Variants in WASF3 observed in about 807,000 individuals in gnomAD.
WASF3 encodes the protein actin-binding protein WASF3.
In WASF3, 11 loss-of-function variants were observed where a neutral mutation model predicts 46.6. The observed-to-expected ratio is 0.24, with a 90% CI of 0.15 to 0.39. The LOEUF (loss-of-function observed/expected upper bound fraction) is 0.39. Ranked by LOEUF, WASF3 falls within the 10% of genes least tolerant of loss-of-function variation. WASF3 has a pLI of 1.00. For synonymous variants in WASF3, 242 were observed against 259.7 expected, an observed-to-expected ratio of 0.93 and a Z score of 0.65; for missense variants, 576 against 669.8, an observed-to-expected ratio of 0.86 and a Z score of 1.55.
intron 3 of WASF3, among the ~76,000 whole-genome samples, chr13:26,655,462 A>G (rs763189415): frequency 2.0e-5 from 3 of 152,114 alleles, no homozygotes; most frequent in Non-Finnish European, 4.4e-5. Flanking sequence ...GATTACCCCA[A>G]GTTTCTGTAA....
the WASF3 span, among the ~76,000 whole-genome samples, chr13:26,544,394 G>A: frequency 6.6e-6 from 1 of 152,166 alleles, no homozygotes; most frequent in Admixed American, 6.5e-5. Flanking sequence ...AATGTTGATG[G>A]GCCAGCAAAT....
chr13:26,673,802 G>A lies in WASF3; in HGVS notation c.540+1813G>A, dbSNP rs1331009. Reference sequence around the variant, plus strand: ...TGTAGTTACACTGTTGGTAAGTTTAGTGAAGGACAAGTACAGAGCACTCTG... The same window carrying A: ...TGTAGTTACACTGTTGGTAAGTTTAATGAAGGACAAGTACAGAGCACTCTG... On this transcript the variant is annotated intron_variant, in intron 6 of 9. Transcript: ENST00000335327. 8.6e-3 allele frequency among the ~76,000 whole-genome samples: 1,307 copies of A among 152,306 alleles called. 26 individuals carry two copies. The highest frequency in any genetic ancestry group is 0.029 in the African/African-American group (1,209 of 41,568).
chr13:26,656,984 C>T (rs1471671979), intron 3 of WASF3, among the ~76,000 whole-genome samples: 2 of 152,186 alleles, frequency 1.3e-5, no homozygotes, highest in Non-Finnish European at 2.9e-5. Context: ...ACAACTGTGA[C>T]TAAAGACTAT....
chr13:26,643,822 A>G (rs1328181481), intron 3 of WASF3, among the ~76,000 whole-genome samples: 1 of 152,214 alleles, frequency 6.6e-6, no homozygotes, highest in Non-Finnish European at 1.5e-5. Context: ...GCTTGGCCAC[A>G]GTCTCCTGTA....
intron 2 of WASF3, among the ~76,000 whole-genome samples, chr13:26,633,871 C>T (rs181755511): frequency 3.6e-3 from 547 of 152,312 alleles, no homozygotes; most frequent in Non-Finnish European, 5.8e-3. Flanking sequence ...CTTGTGATTT[C>T]TGTTCTTTTA....
At chr13:26,673,529 G>A (rs1299167573) in intron 6 of WASF3, among the ~76,000 whole-genome samples, 1 of 152,162 alleles carries the variant, frequency 6.6e-6, no homozygotes, top group Admixed American at 6.5e-5. Context: ...AAGAGGGAGA[G>A]AAGTTTCAAA....
At chr13:26,660,899 G>C (rs1214861872) in intron 3 of WASF3, among the ~76,000 whole-genome samples, 2 of 152,170 alleles carry the variant, frequency 1.3e-5, no homozygotes, top group African/African-American at 4.8e-5. Context: ...GCCTCAGAAA[G>C]TTTCCGCTCA....
chr13:26,674,010 G>A (rs1882993523), intron 6 of WASF3, among the ~76,000 whole-genome samples: 1 of 152,170 alleles, frequency 6.6e-6, no homozygotes, highest in Non-Finnish European at 1.5e-5. Context: ...CTTCCGAATT[G>A]AGGAGGCTTC....
rs1883464111 is a variant in WASF3, at chr13:26,687,958, T to G, written c.*2113T>G. 1 of 152,186 alleles carries G rather than the reference T, an allele frequency of 6.6e-6. No individual in the cohort carries two copies. Among genetic ancestry groups the G allele is most frequent in the Non-Finnish European group, 1.5e-5 (1 of 68,032 alleles). 9.4% of individuals were successfully genotyped at this position (152,186 alleles called of 1,614,324 possible). ...CATGTCAGGATTTATTCTATTTATA[T>G]CTTATTACAATAAAATTAGTGGCAC... On this transcript the variant is annotated 3_prime_UTR_variant, in exon 10 of 10. Transcript: ENST00000335327.
chr13:26,581,546 C>T (rs1212878785), intron 1 of WASF3, among the ~76,000 whole-genome samples: 2 of 151,512 alleles, frequency 1.3e-5, no homozygotes, highest in Non-Finnish European at 2.9e-5. Flanking sequence ...AAAACTTTCA[C>T]TTTTGTTCCA....
intron 3 of WASF3, among the ~76,000 whole-genome samples, chr13:26,651,307 C>A (rs1334586830): frequency 6.6e-6 from 1 of 151,664 alleles, no homozygotes; most frequent in Admixed American, 6.6e-5. Flanking sequence ...GGCAACAGAG[C>A]AAGACTCTAA....
rs1459532091 is a variant in WASF3 at position 26,688,715 on chromosome 13, A to G, written c.*2870A>G. 2 of 152,252 alleles carry G rather than the reference A, an allele frequency of 1.3e-5. No individual in the cohort carries two copies. The highest frequency in any genetic ancestry group is 2.9e-5 in the Non-Finnish European group (2 of 68,038). 9.4% of individuals were successfully genotyped at this position (152,252 alleles called of 1,614,324 possible). On this transcript the variant is annotated 3_prime_UTR_variant, in exon 10 of 10. Coordinates refer to ENST00000335327, the MANE Select transcript of WASF3 (RefSeq NM_006646.6). ...TAAAATACATGATACATATTAATCC[A>G]TTAAAGACTAGTGGGAATGTATCAG...
chr13:26,625,406 C>A (rs941932159), intron 2 of WASF3, among the ~76,000 whole-genome samples: 11 of 152,152 alleles, frequency 7.2e-5, no homozygotes, highest in African/African-American at 2.2e-4. Context: ...GTATAACTCC[C>A]AGTCCATTGC....
rs1277569107 is a variant in WASF3, at chr13:26,688,235, AAAGAG to A, written c.*2395_*2399del. On this transcript the variant is annotated 3_prime_UTR_variant, in exon 10 of 10. Transcript: ENST00000335327. ...AATATGGTATTACAATGAAAAGAAT[AAAGAG>A]AAGATTTGAATTTTCAGTTTCATTT... 6.6e-6 allele frequency: 1 copy of A among 152,252 alleles called. No individual in the cohort carries two copies. Among genetic ancestry groups the A allele is most frequent in the Non-Finnish European group, 1.5e-5 (1 of 68,038 alleles). The allele number at this position is 152,252 out of a possible 1,614,324, so 9.4% of individuals were successfully genotyped here. A position where few individuals can be genotyped will look rare whatever the true frequency, so the allele number is the denominator to read the frequency against.
Position 26,685,979 on chromosome 13 carries a change from C to T in WASF3, c.*134C>T. On this transcript the variant is annotated 3_prime_UTR_variant, in exon 10 of 10. Transcript: ENST00000335327. ...ACAATGTGATATTGCTTCTGCACATCCAAAAATTCTGGGTCTTTTCAGTAT... is the reference window on the plus strand; with the variant it reads ...ACAATGTGATATTGCTTCTGCACATTCAAAAATTCTGGGTCTTTTCAGTAT... The T allele has an allele frequency of 1.6e-6, 2 of 1,266,386 alleles. No individual in the cohort carries two copies. Among genetic ancestry groups the T allele is most frequent in the Admixed American group, 5.6e-5 (2 of 35,476 alleles). The allele number at this position is 1,266,386 out of a possible 1,614,324, so 78.4% of individuals were successfully genotyped here.
intron 1 of WASF3, among the ~76,000 whole-genome samples, chr13:26,580,887 A>G (rs1416280500): frequency 6.7e-6 from 1 of 149,682 alleles, no homozygotes; most frequent in African/African-American, 2.5e-5. Flanking sequence ...GGCCTCCCAA[A>G]GTGTTGGGAT....
intron 3 of WASF3, among the ~76,000 whole-genome samples, chr13:26,643,706 TGTAA>T (rs1250679581): frequency 6.6e-6 from 1 of 152,234 alleles, no homozygotes; most frequent in Non-Finnish European, 1.5e-5. Context: ...TGGCACAAAG[TGTAA>T]GTGATGAAAG....
chr13:26,625,972 G>A (rs192524699), intron 2 of WASF3: 1 of 152,288 alleles, frequency 6.6e-6, no homozygotes, highest in African/African-American at 2.4e-5. Flanking sequence ...AGCAGAAAAA[G>A]AGCTTTTGGA....
chr13:26,683,277 G>T (rs1338590430), intron 9 of WASF3, among the ~76,000 whole-genome samples: 1 of 152,024 alleles, frequency 6.6e-6, no homozygotes, highest in African/African-American at 2.4e-5. Flanking sequence ...TTTGAGAGCA[G>T]CCTGGGCAAC....
Sources: allele counts gnomAD v4.1 joint callset (sites outside exome capture counted in the v4.1 genomes callset), GRCh38; gene constraint gnomAD v4.1.1; transcripts MANE v1.5; gene names NCBI Gene and HGNC (gene_info 2026-07-23, HGNC 2026-07-21).